PCDH9: variants seen among roughly 807,000 people sequenced by gnomAD.
PCDH9 encodes the protein protocadherin 9.
A neutral mutation model predicts 70.6 loss-of-function variants in PCDH9; 24 were observed. The observed-to-expected ratio is 0.34, with a 90% CI of 0.25 to 0.48. The LOEUF is 0.48. Ranked by LOEUF, PCDH9 falls within the 20% of genes least tolerant of loss-of-function variation. The pLI, the probability that PCDH9 is intolerant of heterozygous loss-of-function variation, is 0.99. For missense variants in PCDH9, 1,281 were observed against 1,503.6 expected (o/e 0.85, Z 2.45); for synonymous variants, 562 against 558.5 (o/e 1.01, Z -0.09).
At chr13:66,836,838 T>C (rs2139420221) in intron 3 of PCDH9, among the ~76,000 whole-genome samples, 1 of 152,352 alleles carries the variant, frequency 6.6e-6, no homozygotes. Context: ...AGATCTCTGA[T>C]GTACCATCTG....
chr13:66,893,246 A>G (rs926185873), intron 3 of PCDH9, among the ~76,000 whole-genome samples: 11 of 152,168 alleles, frequency 7.2e-5, no homozygotes, highest in Non-Finnish European at 1.3e-4. Flanking sequence ...TGAAACATAT[A>G]TCAATAAATT....
chr13:66,738,046 C>T, intron 3 of PCDH9, among the ~76,000 whole-genome samples: 1 of 152,184 alleles, frequency 6.6e-6, no homozygotes, highest in Admixed American at 6.5e-5. Context: ...GGGGGCAGGG[C>T]ACAGACAAAC....
intron 2 of PCDH9, among the ~76,000 whole-genome samples, chr13:67,042,733 A>G (rs2085146084): frequency 6.6e-6 from 1 of 152,170 alleles, no homozygotes; most frequent in Non-Finnish European, 1.5e-5. Context: ...TACAATGACA[A>G]ATGGTGCTTA....
At chr13:66,818,702 G>A (rs542076735) in intron 3 of PCDH9, among the ~76,000 whole-genome samples, 3 of 152,246 alleles carry the variant, frequency 2.0e-5, no homozygotes, top group South Asian at 2.1e-4. Flanking sequence ...GGAGGCCGAG[G>A]CGGGCGGATC....
intron 4 of PCDH9, among the ~76,000 whole-genome samples, chr13:66,526,370 C>G (rs946012482): frequency 5.9e-5 from 9 of 151,986 alleles, no homozygotes; most frequent in South Asian, 2.1e-4. Context: ...TTTGATGAAC[C>G]ATTTTGTCAG....
chr13:66,376,324 C>T (rs1032187567), intron 4 of PCDH9, among the ~76,000 whole-genome samples: 1 of 152,096 alleles, frequency 6.6e-6, no homozygotes, highest in African/African-American at 2.4e-5. Flanking sequence ...AGCTCCTGTT[C>T]CTCAACTCTC....
intron 2 of PCDH9, among the ~76,000 whole-genome samples, chr13:66,953,214 T>C (rs932230434): frequency 7.0e-6 from 1 of 142,224 alleles, no homozygotes. Context: ...ACGTTCCACA[T>C]GTAAAAAAAA....
At position 66,633,874 on chromosome 13, in the gene PCDH9, G is replaced by C. The variant is rs75477888; in HGVS notation, c.3139-2463C>G. Among the ~76,000 whole-genome samples the C allele has an allele frequency of 4.2e-3, 635 of 152,174 alleles. 19 individuals carry two copies. In the East Asian group the frequency reaches 0.081, roughly 19 times the overall value. On this transcript the variant is annotated intron_variant, in intron 3 of 4. Transcript: ENST00000377865. ...TCATAATGAATGTTTAAATATGCAC[G>C]ACTAGTTATACCTTAATCCTGCAGT... is the stretch of plus-strand genomic sequence containing the variant.
intron 3 of PCDH9, among the ~76,000 whole-genome samples, chr13:66,887,101 T>C (rs2082018994): frequency 6.6e-6 from 1 of 150,452 alleles, no homozygotes; most frequent in Non-Finnish European, 1.5e-5. Context: ...GACAATTCAT[T>C]AAATTATTCC....
chr13:66,871,719 A>G (rs1287712796), intron 3 of PCDH9, among the ~76,000 whole-genome samples: 2 of 152,130 alleles, frequency 1.3e-5, no homozygotes, highest in African/African-American at 2.4e-5. Flanking sequence ...TGTTTACATT[A>G]TATATATTTG....
chr13:66,760,019 C>G (rs1044558461), intron 3 of PCDH9, among the ~76,000 whole-genome samples: 9 of 152,120 alleles, frequency 5.9e-5, no homozygotes, highest in Non-Finnish European at 1.3e-4. Flanking sequence ...TTTAGCAATT[C>G]TTACAGATGT....
intron 3 of PCDH9, among the ~76,000 whole-genome samples, chr13:66,856,156 A>T (rs1261849461): frequency 3.9e-5 from 6 of 152,032 alleles, no homozygotes; most frequent in Non-Finnish European, 5.9e-5. Context: ...TATAAATAGG[A>T]ACCTTAAAAA....
intron 3 of PCDH9, among the ~76,000 whole-genome samples, chr13:66,686,600 A>G (rs978919403): frequency 3.9e-5 from 6 of 152,190 alleles, no homozygotes; most frequent in Admixed American, 3.9e-4. Context: ...CACTGTTCAG[A>G]ATGTTTACAT....
At chr13:66,747,181 C>A (rs1274482486) in intron 3 of PCDH9, among the ~76,000 whole-genome samples, 1 of 152,072 alleles carries the variant, frequency 6.6e-6, no homozygotes, top group Non-Finnish European at 1.5e-5. Flanking sequence ...GAAACCTCAT[C>A]TCTACTAAAA....
At chr13:66,938,862 T>C (rs190007379) in intron 2 of PCDH9, among the ~76,000 whole-genome samples, 17 of 152,296 alleles carry the variant, frequency 1.1e-4, no homozygotes, top group Admixed American at 9.2e-4. Context: ...AAAGAACTTA[T>C]ATGTGCACAC....
Position 67,206,707 on chromosome 13 carries a change from C to A in PCDH9, c.3036+18698G>T, listed in dbSNP as rs185837940. On this transcript the variant is annotated intron_variant, in intron 2 of 4. Coordinates refer to ENST00000377865, the MANE Select transcript of PCDH9 (RefSeq NM_203487.3). The stretch of plus-strand genomic sequence containing the variant: ...GGAGGAGGGCCTATACTGATCTTAG[C>A]TGGCAAATTTGTGCAGAGATGCCTG... 1.0e-3 allele frequency: 159 copies of A among 152,282 alleles called. 1 individual carries two copies. The highest frequency in any genetic ancestry group is 3.7e-3 in the African/African-American group (155 of 41,554). The allele number at this position is 152,282 out of a possible 1,614,324, so 9.4% of individuals were successfully genotyped here. A position where few individuals can be genotyped will look rare whatever the true frequency, so the allele number is the denominator to read the frequency against.
chr13:66,452,092 A>G (rs1256822619), intron 4 of PCDH9, among the ~76,000 whole-genome samples: 1 of 152,176 alleles, frequency 6.6e-6, no homozygotes, highest in African/African-American at 2.4e-5. Flanking sequence ...ACTGCAATCA[A>G]TAACAACTTT....
chr13:66,937,868 G>C (rs2082942884), intron 2 of PCDH9, among the ~76,000 whole-genome samples: 1 of 151,762 alleles, frequency 6.6e-6, no homozygotes, highest in South Asian at 2.1e-4. Context: ...GGTACCCCTG[G>C]AGTCTCTGTG....
chr13:66,992,902 T>TA (rs35934997), intron 2 of PCDH9, among the ~76,000 whole-genome samples: 67 of 139,044 alleles, frequency 4.8e-4, no homozygotes, highest in African/African-American at 9.2e-4. Context: ...CTCTGACTCC[T>TA]AAAAAAAAAA....
Sources: allele counts gnomAD v4.1 joint callset (sites outside exome capture counted in the v4.1 genomes callset), GRCh38; gene constraint gnomAD v4.1.1; transcripts MANE v1.5; gene names NCBI Gene and HGNC (gene_info 2026-07-23, HGNC 2026-07-21).